Variants in PCDHGB6 observed in about 807,000 individuals in gnomAD.
PCDHGB6 encodes protocadherin gamma subfamily B, 6.
In PCDHGB6, 51 loss-of-function variants were observed where a neutral mutation model predicts 59.1. The observed-to-expected ratio is 0.86, with a 90% CI of 0.69 to 1.09. The LOEUF (loss-of-function observed/expected upper bound fraction) is 1.09, where lower values mean the gene tolerates loss of function less well. PCDHGB6 is among the 50% of genes least tolerant of loss of function. PCDHGB6 has a pLI of 0.00. For missense variants in PCDHGB6, 1,148 were observed against 1,205.1 expected, an observed-to-expected ratio of 0.95 and a Z score of 0.70; for synonymous variants, 466 against 495.1, an observed-to-expected ratio of 0.94 and a Z score of 0.78.
At chr5:141,422,705 C>T (rs371027437) in intron 1 of PCDHGB6, 2 of 1,602,706 alleles carry the variant, frequency 1.2e-6, no homozygotes, top group South Asian at 1.1e-5. Context: ...TACTCTCTGA[C>T]GGATGACACT....
chr5:141,419,754 T>C, intron 1 of PCDHGB6: 1 of 1,613,924 alleles, frequency 6.2e-7, no homozygotes. Flanking sequence ...GTGCGTGCTT[T>C]GGGTGACAAG....
intron 1 of PCDHGB6, chr5:141,416,827 T>A (rs981344540): frequency 1.2e-4 from 18 of 152,268 alleles, no homozygotes; most frequent in African/African-American, 3.9e-4. Context: ...CCGAAGTTTC[T>A]CAAGACCCTT....
At chr5:141,443,317 C>A (rs898636207) in intron 1 of PCDHGB6, among the ~76,000 whole-genome samples, 39 of 142,046 alleles carry the variant, frequency 2.7e-4, no homozygotes, top group Non-Finnish European at 2.5e-4. Context: ...CCCATCTCTA[C>A]AAAAAAAAAA....
At chr5:141,425,745 G>A (rs776065455) in intron 1 of PCDHGB6, among the ~76,000 whole-genome samples, 26 of 152,100 alleles carry the variant, frequency 1.7e-4, no homozygotes, top group Non-Finnish European at 2.9e-4. Flanking sequence ...TTCCCACAAG[G>A]TTTTTGTTCT....
chr5:141,458,970 C>T (rs1260904595), intron 1 of PCDHGB6, among the ~76,000 whole-genome samples: 1 of 152,170 alleles, frequency 6.6e-6, no homozygotes, highest in Admixed American at 6.6e-5. Flanking sequence ...CAGCCTCAAG[C>T]AGTCCTCCTG....
chr5:141,421,426 A>G, intron 1 of PCDHGB6: 2 of 1,614,104 alleles, frequency 1.2e-6, no homozygotes, highest in South Asian at 1.1e-5. Context: ...CGGAGTCCGC[A>G]TCGTCTCCAG....
At chr5:141,498,796 G>A (rs1160540093) in intron 2 of PCDHGB6, among the ~76,000 whole-genome samples, 1 of 152,032 alleles carries the variant, frequency 6.6e-6, no homozygotes, top group Non-Finnish European at 1.5e-5. Context: ...AGCCAGGTGT[G>A]GTGGTGCACA....
chr5:141,419,659 C>T (rs930108720), intron 1 of PCDHGB6: 2 of 1,612,608 alleles, frequency 1.2e-6, no homozygotes, highest in East Asian at 4.5e-5. Flanking sequence ...ACTCGGGGCA[C>T]AATGCCTGGC....
chr5:141,421,353 G>T, intron 1 of PCDHGB6: 1 of 1,613,998 alleles, frequency 6.2e-7, no homozygotes, highest in Non-Finnish European at 8.5e-7. Context: ...AGACCGAAAA[G>T]GGCTCCTTCG....
chr5:141,511,288 C>G lies in PCDHGB6; in HGVS notation c.*115C>G. ...CTAACCCCCAGAATACTGGTAGGGG[C>G]CAAGGCCATGCTCCCCTTGGGAAAC... On this transcript the variant is annotated 3_prime_UTR_variant, in exon 4 of 4. Transcript: ENST00000520790. 6.6e-7 allele frequency: 1 copy of G among 1,518,266 alleles called. No homozygotes were observed. The highest frequency in any genetic ancestry group is 8.9e-7 in the Non-Finnish European group (1 of 1,129,706). The allele number at this position is 1,518,266 out of a possible 1,614,324, so 94.0% of individuals were successfully genotyped here.
chr5:141,509,872 G>T (rs968745661), intron 3 of PCDHGB6, among the ~76,000 whole-genome samples: 16 of 152,166 alleles, frequency 1.1e-4, no homozygotes, highest in Non-Finnish European at 1.5e-5. Context: ...CCAAGCTGCT[G>T]GTGGTGATGG....
chr5:141,419,103 C>A, intron 1 of PCDHGB6: 1 of 1,613,886 alleles, frequency 6.2e-7, no homozygotes, highest in South Asian at 1.1e-5. Flanking sequence ...CGGGAGCAGA[C>A]CCCAGAGTAC....
intron 1 of PCDHGB6, chr5:141,441,678 G>A (rs952726158): frequency 3.4e-6 from 1 of 292,424 alleles, no homozygotes; most frequent in Non-Finnish European, 6.7e-6. Flanking sequence ...GTGCGCCTTC[G>A]ACCAAGAGCA....
intron 1 of PCDHGB6, chr5:141,423,903 AG>A: frequency 7.8e-7 from 1 of 1,276,130 alleles, no homozygotes. Context: ...TTGATTTCAA[AG>A]GGGCCATTCA....
intron 2 of PCDHGB6, among the ~76,000 whole-genome samples, chr5:141,503,855 TA>T (rs2099832899): frequency 1.3e-5 from 2 of 152,136 alleles, no homozygotes; most frequent in Non-Finnish European, 2.9e-5. Context: ...GGAAAAATTG[TA>T]AAGCAGTTCT....
chr5:141,445,034 A>T (rs963629240), intron 1 of PCDHGB6, among the ~76,000 whole-genome samples: 4 of 152,156 alleles, frequency 2.6e-5, no homozygotes, highest in Admixed American at 2.0e-4. Context: ...GCTATGTTGT[A>T]TAGTTTTCAG....
At chr5:141,436,473 C>CA (rs2097825744) in intron 1 of PCDHGB6, among the ~76,000 whole-genome samples, 1 of 152,112 alleles carries the variant, frequency 6.6e-6, no homozygotes, top group Non-Finnish European at 1.5e-5. Context: ...TCAGATGTAT[C>CA]ATAGAAGGAT....
chr5:141,476,061 C>T lies in PCDHGB6; in HGVS notation c.2419-18746C>T. On this transcript the variant is annotated intron_variant, in intron 1 of 3. Coordinates refer to ENST00000520790, the MANE Select transcript of PCDHGB6 (RefSeq NM_018926.3). The surrounding 1 kb of genome is among the most constrained non-coding windows in gnomAD (Gnocchi z 7.6). Reference sequence around the variant, plus strand: ...AAGCGCTAACCCGCTGAAAGTTTCTCAGCGAAATCTCAGGGACGATCTGGA... The same window carrying T: ...AAGCGCTAACCCGCTGAAAGTTTCTTAGCGAAATCTCAGGGACGATCTGGA... The T allele has an allele frequency of 6.6e-7, 1 of 1,508,880 alleles. No homozygotes were observed. Among genetic ancestry groups the T allele is most frequent in the Non-Finnish European group, 8.8e-7 (1 of 1,136,354 alleles). 93.5% of individuals were successfully genotyped at this position (1,508,880 alleles called of 1,614,324 possible).
intron 1 of PCDHGB6, among the ~76,000 whole-genome samples, chr5:141,433,747 G>A (rs566709728): frequency 1.3e-5 from 2 of 150,990 alleles, no homozygotes; most frequent in East Asian, 4.0e-4. Context: ...TGAGTCAGGA[G>A]AATTGCTTTA....
Sources: allele counts gnomAD v4.1 joint callset (sites outside exome capture counted in the v4.1 genomes callset), GRCh38; gene constraint gnomAD v4.1.1; non-coding constraint Gnocchi (gnomAD v3.1); transcripts MANE v1.5; gene names NCBI Gene and HGNC (gene_info 2026-07-23, HGNC 2026-07-21).